MTMR10: variants seen among roughly 807,000 people sequenced by gnomAD.
MTMR10 encodes the protein myotubularin-related protein 10.
Under a neutral mutation model 88.1 loss-of-function variants are expected in MTMR10, and 56 were observed. The ratio of observed to expected loss-of-function variants is 0.64; its 90% CI spans 0.51 to 0.79. The LOEUF is 0.79. Among genes scored for constraint, MTMR10 ranks in the 30% least tolerant of loss-of-function variants. The pLI, the probability that MTMR10 is intolerant of heterozygous loss-of-function variation, is 0.00. For synonymous variants in MTMR10, 380 were observed against 340.9 expected (o/e 1.11, Z -1.26); for missense variants, 883 against 924.7 (o/e 0.95, Z 0.58).
chr15:30,943,287 G>C, intron 14 of MTMR10: 1 of 985,358 alleles, frequency 1.0e-6, no homozygotes. Flanking sequence ...GTGCTTTTCA[G>C]GTGCCCTCTG....
downstream of MTMR10, among the ~76,000 whole-genome samples, chr15:30,937,875 T>C (rs2949567): frequency 0.41 from 62,363 of 151,818 alleles, 14,227 homozygotes; most frequent in East Asian, 0.85. Context: ...GATTCATCTT[T>C]AGGTTTTTTT....
chr15:30,968,534 AACACACACACACACACACAC>A (rs61503155), intron 5 of MTMR10, among the ~76,000 whole-genome samples: 2 of 143,172 alleles, frequency 1.4e-5, no homozygotes, highest in Middle Eastern at 7.0e-3. Context: ...TCAAAAAAAC[AACACACACACACACACACAC>A]ACACACACAC....
In MTMR10 at chr15:30,943,205, T is replaced by TTTCAC. The variant is rs1252109465; in HGVS notation, c.1549-138_1549-134dup. The TTTCAC allele has an allele frequency of 3.1e-5, 44 of 1,411,074 alleles. No homozygotes were observed. In the African/African-American group the frequency reaches 3.6e-4, roughly 12 times the overall value. 87.4% of individuals were successfully genotyped at this position (1,411,074 alleles called of 1,614,324 possible). On this transcript the variant is annotated intron_variant, in intron 14 of 15. Transcript: ENST00000435680. ...CCCTCAAAACCCACCAGAGTGGCAC[T>TTTCAC]TTCACTTCAAGAGAGGAGACGCTCC...
chr15:30,975,523 C>G (rs1443386321), intron 3 of MTMR10, among the ~76,000 whole-genome samples: 1 of 152,120 alleles, frequency 6.6e-6, no homozygotes, highest in East Asian at 1.9e-4. Flanking sequence ...TAAGCTGTTC[C>G]AGGTATCTGC....
chr15:30,963,752 G>C (rs926499942), intron 6 of MTMR10, among the ~76,000 whole-genome samples: 1 of 152,114 alleles, frequency 6.6e-6, no homozygotes, highest in Non-Finnish European at 1.5e-5. Context: ...GCCTTCTCTG[G>C]AGTAACACAA....
Position 30,947,240 on chromosome 15 carries a change from C to G in MTMR10, c.1438G>C (p.Ala480Pro). 3 of 1,613,870 alleles carry G rather than the reference C, an allele frequency of 1.9e-6. No homozygotes were observed. The highest frequency in any genetic ancestry group is 2.5e-6 in the Non-Finnish European group (3 of 1,179,878). Residue 480 changes from alanine (A) to proline (P), a missense_variant, in exon 14 of 16, where the codon GCT becomes CCT. This residue lies in a region of MTMR10 where 126 missense variants were observed against 178.2 expected (regional missense o/e 0.71). Coordinates refer to ENST00000435680, the MANE Select transcript of MTMR10 (RefSeq NM_017762.3). ...TWQLLEQYPA[A>P]FEFSETYLAV... ...AGGTAGGTTTCGGAGAACTCAAAAG[C>G]TGCAGGATATTGTTCTAACAGCTGC...
At chr15:30,971,182 C>G (rs2063533916) in intron 5 of MTMR10, among the ~76,000 whole-genome samples, 1 of 152,122 alleles carries the variant, frequency 6.6e-6, no homozygotes, top group Non-Finnish European at 1.5e-5. Context: ...ATCTGAAATA[C>G]TTCATTTGTC....
At chr15:30,965,614 G>C (rs2063463592) in intron 6 of MTMR10, among the ~76,000 whole-genome samples, 1 of 152,172 alleles carries the variant, frequency 6.6e-6, no homozygotes, top group African/African-American at 2.4e-5. Context: ...GTTCTTGTTT[G>C]TGCTAGTAAT....
At chr15:30,929,136 ACTAGTCCTCTGGT>A in the MTMR10 span, 11 of 1,415,208 alleles carry the variant, frequency 7.8e-6, no homozygotes, top group South Asian at 1.3e-4. Context: ...GTATGTACTG[ACTAGTCCTCTGGT>A]GAACACGGCT....
At chr15:30,975,551 G>C (rs1371784035) in intron 3 of MTMR10, among the ~76,000 whole-genome samples, 1 of 152,152 alleles carries the variant, frequency 6.6e-6, no homozygotes, top group Admixed American at 6.5e-5. Flanking sequence ...TTACAGTGAA[G>C]TCTGGGGCCA....
the MTMR10 span, among the ~76,000 whole-genome samples, chr15:30,919,249 G>T: frequency 6.6e-6 from 1 of 151,606 alleles, no homozygotes; most frequent in Non-Finnish European, 1.5e-5. Flanking sequence ...GCCTGGTGGT[G>T]CCTGCCTGTA....
At chr15:30,954,374 T>G (rs2063292100) in intron 10 of MTMR10, among the ~76,000 whole-genome samples, 1 of 152,224 alleles carries the variant, frequency 6.6e-6, no homozygotes. Context: ...ATTCTGATGC[T>G]ACAGATATAA....
At chr15:30,990,944 G>A (rs2031276581) in intron 1 of MTMR10, 107 bp from the exon 2 acceptor site, 2 of 871,528 alleles carry the variant, frequency 2.3e-6, no homozygotes, top group South Asian at 3.2e-5. Context: ...AAGACACACA[G>A]CCCCCCATTT....
Position 30,965,152 on chromosome 15 carries a change from A to G in MTMR10, c.565+2768T>C, listed in dbSNP as rs527503918. Among the ~76,000 whole-genome samples, 6 of 152,358 alleles carry G rather than the reference A, an allele frequency of 3.9e-5. No homozygotes were observed. In the East Asian group the frequency reaches 1.2e-3, roughly 29 times the overall value. On this transcript the variant is annotated intron_variant, in intron 6 of 15. Coordinates refer to ENST00000435680, the MANE Select transcript of MTMR10 (RefSeq NM_017762.3). Reference sequence around the variant, plus strand: ...TGTATACAGCTGGCTGGAACCACCAATATTCAACAATCATTTATAGCTATT... The same window carrying G: ...TGTATACAGCTGGCTGGAACCACCAGTATTCAACAATCATTTATAGCTATT...
chr15:30,940,760 C>G lies in MTMR10; in HGVS notation c.*710G>C. The stretch of plus-strand genomic sequence containing the variant: ...TCAAATATGCAATGGGATTTTCCCA[C>G]CCCAATTTTAAAAAGTGAAATTATA... On this transcript the variant is annotated 3_prime_UTR_variant, in exon 16 of 16. Transcript: ENST00000435680. 2 of 989,062 alleles carry G rather than the reference C, an allele frequency of 2.0e-6. No individual in the cohort carries two copies. Among genetic ancestry groups the G allele is most frequent in the Non-Finnish European group, 2.4e-6 (2 of 832,202 alleles). 61.3% of individuals were successfully genotyped at this position (989,062 alleles called of 1,614,324 possible). A position where few individuals can be genotyped will look rare whatever the true frequency, so the allele number is the denominator to read the frequency against.
chr15:30,968,632 C>A (rs928036730), intron 5 of MTMR10, among the ~76,000 whole-genome samples: 1 of 151,480 alleles, frequency 6.6e-6, no homozygotes, highest in Non-Finnish European at 1.5e-5. Context: ...GGAAAACGTG[C>A]GGGCTTTAGA....
chr15:30,929,670 TAA>T, the MTMR10 span, among the ~76,000 whole-genome samples: 10 of 67,452 alleles, frequency 1.5e-4, no homozygotes, highest in Non-Finnish European at 2.7e-4. Flanking sequence ...ATGAAATATA[TAA>T]TATATCATAT....
At position 30,942,947 on chromosome 15, in the gene MTMR10, A is replaced by C; in HGVS notation, c.1674T>G (p.Ile558Met). Residue 558 changes from isoleucine to methionine, a missense_variant, in exon 15 of 16, where the codon ATT (isoleucine) becomes ATG (methionine). Ile to Met is a conservative substitution (Grantham distance 10). This residue lies in a region of MTMR10 where 343 missense variants were observed against 323.2 expected (regional missense o/e 1.06). Transcript: ENST00000435680. ...DRTLFHNPFYIGKSTPCIQNG... is the reference protein window; with the variant it reads ...DRTLFHNPFYMGKSTPCIQNG... The stretch of plus-strand genomic sequence containing the variant: ...TCTGTATACAAGGTGTGCTCTTTCC[A>C]ATGTAGAAGGGGTTATGGAAAAGGG... 6.4e-7 allele frequency: 1 copy of C among 1,564,806 alleles called. No individual in the cohort carries two copies. Among genetic ancestry groups the C allele is most frequent in the Non-Finnish European group, 8.7e-7 (1 of 1,152,496 alleles).
In MTMR10 at chr15:30,941,612, G is replaced by A. The variant is rs373120553; in HGVS notation, c.2192C>T (p.Thr731Ile). ...AAATGAGGAGGAGAGAAACTCCGGT[G>A]TCCCCGAGGTGTCGGTGTGGTGAGG... is the stretch of plus-strand genomic sequence containing the variant. ...SGPHHTDTSG[T>I]PEFLSSSFPF... The change falls in exon 16 of 16, where the codon ACA becomes ATA. Residue 731 changes from threonine to isoleucine, a missense_variant. This residue lies in a region of MTMR10 where 343 missense variants were observed against 323.2 expected (regional missense o/e 1.06). Transcript: ENST00000435680. 8.1e-6 allele frequency: 13 copies of A among 1,601,456 alleles called. No individual in the cohort carries two copies. Among genetic ancestry groups the A allele is most frequent in the Non-Finnish European group, 1.1e-5 (13 of 1,173,696 alleles).
Sources: allele counts gnomAD v4.1 joint callset (sites outside exome capture counted in the v4.1 genomes callset), GRCh38; gene constraint gnomAD v4.1.1; regional missense constraint gnomAD v4.1.1; transcripts MANE v1.5; gene names NCBI Gene and HGNC (gene_info 2026-07-23, HGNC 2026-07-21).